The following CCSER1 variants were observed in gnomAD, a reference collection of about 807,000 sequenced individuals.
CCSER1 encodes the protein coiled-coil serine rich protein 1, also known as serine-rich coiled-coil domain-containing protein 1.
Under a neutral mutation model 82.0 loss-of-function variants are expected in CCSER1, and 41 were observed. That is an observed-to-expected ratio of 0.50 (90% CI 0.39 to 0.65). CCSER1 has a LOEUF of 0.65. Ranked by LOEUF, CCSER1 falls within the 30% of genes least tolerant of loss-of-function variation. CCSER1 has a pLI of 0.00. For missense variants in CCSER1, 1,119 were observed against 1,064.2 expected, an observed-to-expected ratio of 1.05 and a Z score of -0.72; for synonymous variants, 414 against 383.9, an observed-to-expected ratio of 1.08 and a Z score of -0.92.
At chr4:90,157,366 C>T (rs1728448081) in intron 1 of CCSER1, among the ~76,000 whole-genome samples, 1 of 152,108 alleles carries the variant, frequency 6.6e-6, no homozygotes, top group Non-Finnish European at 1.5e-5. Context: ...AGTTGCTCTT[C>T]TCGAGTAGTA....
intron 10 of CCSER1, among the ~76,000 whole-genome samples, chr4:91,575,250 A>C (rs2110295885): frequency 6.6e-6 from 1 of 152,170 alleles, no homozygotes; most frequent in East Asian, 1.9e-4. Flanking sequence ...ATAAGACCTA[A>C]AACCATAAAC....
At chr4:91,105,866 C>A (rs75733624) in intron 10 of CCSER1, among the ~76,000 whole-genome samples, 2,674 of 152,224 alleles carry the variant, frequency 0.018, 33 homozygotes, top group South Asian at 0.034. Context: ...AACTAAAAGA[C>A]CTACTTACGG....
chr4:90,278,646 T>TGG (rs1458399231), intron 1 of CCSER1, among the ~76,000 whole-genome samples: 2 of 150,648 alleles, frequency 1.3e-5, no homozygotes, highest in Admixed American at 6.6e-5. Context: ...GACATAAAGA[T>TGG]GGGAACAATA....
chr4:91,475,900 CT>C (rs1757567089), intron 10 of CCSER1, among the ~76,000 whole-genome samples: 1 of 151,746 alleles, frequency 6.6e-6, no homozygotes, highest in Non-Finnish European at 1.5e-5. Context: ...TGATATTTGT[CT>C]CTCTGTATCA....
rs201804747 is a variant in CCSER1, at chr4:91,223,370, G to GA, written c.2217+137385dup. Reference sequence around the variant, plus strand: ...GACACTTTGAGCCAATGTATCTACAGAAAAAAAAACATGTAGGCAATCTTT... The same window carrying GA: ...GACACTTTGAGCCAATGTATCTACAGAAAAAAAAAACATGTAGGCAATCTTT... On this transcript the variant is annotated intron_variant, in intron 10 of 10. Coordinates refer to ENST00000509176, the MANE Select transcript of CCSER1 (RefSeq NM_001145065.2). Among the ~76,000 whole-genome samples, 148 of 150,162 alleles carry GA rather than the reference G, an allele frequency of 9.9e-4. 6 individuals carry two copies. Among genetic ancestry groups the GA allele is most frequent in the East Asian group, 8.4e-3 (43 of 5,124 alleles).
At chr4:90,477,045 G>A (rs1765210978) in intron 5 of CCSER1, among the ~76,000 whole-genome samples, 1 of 152,072 alleles carries the variant, frequency 6.6e-6, no homozygotes, top group Admixed American at 6.5e-5. Flanking sequence ...GCTCTTATGT[G>A]TGCAGAAAAA....
At chr4:91,163,186 T>A (rs114099333) in intron 10 of CCSER1, among the ~76,000 whole-genome samples, 2,247 of 152,314 alleles carry the variant, frequency 0.015, 52 homozygotes, top group African/African-American at 0.05. Context: ...CATTTATTAT[T>A]TAACCAATAG....
chr4:91,411,502 A>ATATATATATATATATATG lies in CCSER1; in HGVS notation c.2218-187053_2218-187052insGTATATATATATATATAT, dbSNP rs1753031063. Among the ~76,000 whole-genome samples, 2 of 63,002 alleles carry ATATATATATATATATATG rather than the reference A, an allele frequency of 3.2e-5. 1 individual carries two copies. The highest frequency in any genetic ancestry group is 7.2e-5 in the Non-Finnish European group (2 of 27,728). 41.3% of individuals were successfully genotyped at this position (63,002 alleles called of 152,430 possible). ...TTTCTGCATATATACATATATATAT[A>ATATATATATATATATATG]TATATATATATATATATATATATAA... On this transcript the variant is annotated intron_variant, in intron 10 of 10. Transcript: ENST00000509176.
intron 5 of CCSER1, among the ~76,000 whole-genome samples, chr4:90,542,026 C>A (rs1776173414): frequency 6.6e-6 from 1 of 151,872 alleles, no homozygotes; most frequent in Non-Finnish European, 1.5e-5. Context: ...AAAATTGTAA[C>A]ATTTATAAAT....
chr4:90,686,334 T>G (rs1734814141), intron 6 of CCSER1, among the ~76,000 whole-genome samples: 1 of 152,136 alleles, frequency 6.6e-6, no homozygotes, highest in Non-Finnish European at 1.5e-5. Flanking sequence ...AACTGCATTT[T>G]TAAAACAAGA....
intron 10 of CCSER1, among the ~76,000 whole-genome samples, chr4:91,275,026 AG>A (rs1742309879): frequency 6.6e-6 from 1 of 151,862 alleles, no homozygotes; most frequent in Non-Finnish European, 1.5e-5. Flanking sequence ...GAATGGTGTG[AG>A]CCCGGGAGGC....
At chr4:91,418,970 A>G (rs1053354083) in intron 10 of CCSER1, among the ~76,000 whole-genome samples, 1 of 152,038 alleles carries the variant, frequency 6.6e-6, no homozygotes, top group African/African-American at 2.4e-5. Flanking sequence ...AATATATCAC[A>G]TTTACAATAT....
intron 6 of CCSER1, among the ~76,000 whole-genome samples, chr4:90,681,892 G>T (rs1733955814): frequency 1.3e-5 from 2 of 151,584 alleles, no homozygotes; most frequent in South Asian, 4.2e-4. Flanking sequence ...ACCACCTTGG[G>T]AAATATAACA....
chr4:90,936,115 A>G (rs1305885222), intron 9 of CCSER1, among the ~76,000 whole-genome samples: 1 of 151,820 alleles, frequency 6.6e-6, no homozygotes, highest in Non-Finnish European at 1.5e-5. Context: ...ATTCAAATCT[A>G]CTTTCTTACA....
intron 1 of CCSER1, among the ~76,000 whole-genome samples, chr4:90,164,092 A>G (rs1729991614): frequency 6.6e-6 from 1 of 152,148 alleles, no homozygotes; most frequent in African/African-American, 2.4e-5. Flanking sequence ...GCTTCAGGCA[A>G]CAGCAGGCTC....
At chr4:90,625,116 C>T (rs957714250) in intron 5 of CCSER1, among the ~76,000 whole-genome samples, 2 of 152,008 alleles carry the variant, frequency 1.3e-5, no homozygotes, top group African/African-American at 2.4e-5. Context: ...CCCAAGTGAA[C>T]GAATTGTATT....
intron 9 of CCSER1, among the ~76,000 whole-genome samples, chr4:91,004,780 A>G (rs1342843829): frequency 6.6e-6 from 1 of 152,228 alleles, no homozygotes; most frequent in Non-Finnish European, 1.5e-5. Flanking sequence ...TTGCTCATAA[A>G]TAAAAATATT....
intron 7 of CCSER1, among the ~76,000 whole-genome samples, chr4:90,796,418 T>TAAAAAAAA (rs70963082): frequency 1.3e-5 from 1 of 79,706 alleles, no homozygotes. Flanking sequence ...GTACTAAATT[T>TAAAAAAAA]AAAAAAAAAA....
intron 10 of CCSER1, among the ~76,000 whole-genome samples, chr4:91,169,821 G>C (rs887520824): frequency 6.6e-6 from 1 of 151,748 alleles, no homozygotes; most frequent in Non-Finnish European, 1.5e-5. Context: ...AGTTGGTCCT[G>C]TGGCAGAAAC....
Sources: gnomAD v4.1 joint callset for allele counts (sites outside exome capture counted in the v4.1 genomes callset) on GRCh38, gnomAD v4.1.1 for gene constraint, MANE v1.5 for transcripts, NCBI Gene and HGNC (gene_info 2026-07-23, HGNC 2026-07-21) for gene names.